SPAST: variants seen among roughly 807,000 people sequenced by gnomAD.
SPAST encodes the protein spastic paraplegia 4 (autosomal dominant; spastin).
A neutral mutation model predicts 76.6 loss-of-function variants in SPAST; 30 were observed. That is an observed-to-expected ratio of 0.39 (90% CI 0.29 to 0.53). The LOEUF is 0.53. Ranked by LOEUF, SPAST falls within the 20% of genes least tolerant of loss-of-function variation. The pLI, the probability that SPAST is intolerant of heterozygous loss-of-function variation, is 0.68. For missense variants in SPAST, 717 were observed against 770.5 expected (o/e 0.93, Z 0.82); for synonymous variants, 305 against 281.0 (o/e 1.09, Z -0.86).
Position 32,089,591 on chromosome 2 carries a change from G to A in SPAST, c.572G>A (p.Arg191His). 1.9e-6 allele frequency: 3 copies of A among 1,570,496 alleles called. No homozygotes were observed. Among genetic ancestry groups the A allele is most frequent in the Non-Finnish European group, 2.6e-6 (3 of 1,140,572 alleles). ...ACTAATTTGGTTATGGCCAAGGACC[G>A]CTTACAACTTCTAGGTATCAATTAA... ...MMTNLVMAKDRLQLLEKMQPV... is the reference protein window; with the variant it reads ...MMTNLVMAKDHLQLLEKMQPV... Residue 191 changes from arginine (R) to histidine (H), a missense_variant, in exon 3 of 17, where the codon CGC becomes CAC. Coordinates refer to ENST00000315285, the MANE Select transcript of SPAST (RefSeq NM_014946.4).
At chr2:32,075,451 A>C (rs911418274) in intron 1 of SPAST, among the ~76,000 whole-genome samples, 1 of 147,526 alleles carries the variant, frequency 6.8e-6, no homozygotes, top group African/African-American at 2.5e-5. Flanking sequence ...AAAAAATTAA[A>C]ACAAAAATAT....
At chr2:32,133,416 C>T (rs1051991264) in intron 9 of SPAST, among the ~76,000 whole-genome samples, 9 of 152,154 alleles carry the variant, frequency 5.9e-5, no homozygotes, top group Admixed American at 2.0e-4. Context: ...TCCACTCACT[C>T]CTCTCCCTCA....
At chr2:32,101,691 T>A (rs535115216) in intron 4 of SPAST, among the ~76,000 whole-genome samples, 36 of 152,322 alleles carry the variant, frequency 2.4e-4, no homozygotes, top group African/African-American at 7.7e-4. Flanking sequence ...CTTTGTACGT[T>A]TGGCTAGCCA....
intron 16 of SPAST, among the ~76,000 whole-genome samples, chr2:32,150,685 C>A (rs1390348481): frequency 6.6e-6 from 1 of 152,002 alleles, no homozygotes; most frequent in Non-Finnish European, 1.5e-5. Context: ...CTCCCACTTG[C>A]ACCTCCCAAA....
At position 32,144,618 on chromosome 2, in the gene SPAST, G is replaced by T. The variant is rs541252529; in HGVS notation, c.1617-319G>T. 1.9e-3 allele frequency among the ~76,000 whole-genome samples: 287 copies of T among 152,300 alleles called. 1 individual carries two copies. Among genetic ancestry groups the T allele is most frequent in the Non-Finnish European group, 3.3e-3 (224 of 68,032 alleles). On this transcript the variant is annotated intron_variant, in intron 14 of 16. Coordinates refer to ENST00000315285, the MANE Select transcript of SPAST (RefSeq NM_014946.4). ...TTTGCTGTTTCAGCTGGGTGCGGTG[G>T]CTCATGCCTGTAATCTCACTACTTT...
chr2:32,152,438 C>T (rs943924927), intron 16 of SPAST, among the ~76,000 whole-genome samples: 24 of 151,704 alleles, frequency 1.6e-4, no homozygotes, highest in South Asian at 4.2e-4. Flanking sequence ...GGCGTGGTGG[C>T]GCACACCTAT....
In SPAST at chr2:32,157,547, T is replaced by C. The variant is rs932937916; in HGVS notation, c.*3051T>C. The C allele has an allele frequency of 2.6e-5, 4 of 152,650 alleles. No individual in the cohort carries two copies. Among genetic ancestry groups the C allele is most frequent in the Non-Finnish European group, 5.9e-5 (4 of 68,036 alleles). The allele number at this position is 152,650 out of a possible 1,614,324, so 9.5% of individuals were successfully genotyped here. On this transcript the variant is annotated 3_prime_UTR_variant, in exon 17 of 17. Coordinates refer to ENST00000315285, the MANE Select transcript of SPAST (RefSeq NM_014946.4). ...TTGTCTCAATTTTAGTCTGGTCTTT[T>C]GTACTTTTCTTCAGAAGAAATGAAT...
intron 2 of SPAST, among the ~76,000 whole-genome samples, chr2:32,088,721 T>A (rs1197616092): frequency 2.0e-5 from 3 of 152,172 alleles, no homozygotes; most frequent in African/African-American, 7.2e-5. Flanking sequence ...TAAAAAACAA[T>A]TTAATTAAAG....
chr2:32,076,299 TC>T (rs1211050867), intron 1 of SPAST, among the ~76,000 whole-genome samples: 1 of 152,186 alleles, frequency 6.6e-6, no homozygotes, highest in Non-Finnish European at 1.5e-5. Context: ...TTTAAAACTT[TC>T]CAAATTAACA....
At chr2:32,150,343 G>A (rs1285819757) in intron 16 of SPAST, among the ~76,000 whole-genome samples, 1 of 148,798 alleles carries the variant, frequency 6.7e-6, no homozygotes, top group Non-Finnish European at 1.5e-5. Flanking sequence ...GCCCACCTTG[G>A]CCTCCCAAAG....
chr2:32,069,307 T>C (rs551426554), intron 1 of SPAST, among the ~76,000 whole-genome samples: 2 of 152,196 alleles, frequency 1.3e-5, no homozygotes, highest in South Asian at 2.1e-4. Context: ...TTTTGTACTT[T>C]AGTCTTAATC....
At position 32,064,243 on chromosome 2, in the gene SPAST, A is replaced by G. The variant is rs1313534781; in HGVS notation, c.412A>G (p.Lys138Glu). ...SIALRIDEDE[K>E]AGQKEQAVEW... ...TGCCCTGCGCATCGATGAGGATGAG[A>G]AAGGTAACTAGGGGGCTGGGGGAGG... Residue 138 changes from lysine (K) to glutamate (E), a missense_variant, in exon 1 of 17, where the codon AAA (lysine) becomes GAA (glutamate). Lys to Glu is a moderately conservative substitution (Grantham distance 56). This residue lies in a region of SPAST where 543 missense variants were observed against 445.2 expected (regional missense o/e 1.22). Coordinates refer to ENST00000315285, the MANE Select transcript of SPAST (RefSeq NM_014946.4). 1.3e-6 allele frequency: 2 copies of G among 1,535,860 alleles called. No individual in the cohort carries two copies. Among genetic ancestry groups the G allele is most frequent in the Non-Finnish European group, 1.8e-6 (2 of 1,139,250 alleles).
intron 4 of SPAST, among the ~76,000 whole-genome samples, chr2:32,101,934 C>T (rs1332062584): frequency 6.6e-6 from 1 of 152,116 alleles, no homozygotes; most frequent in Non-Finnish European, 1.5e-5. Flanking sequence ...GTTCTTTTGG[C>T]TTAGGATTGT....
chr2:32,080,783 C>CTTTTTTT lies in SPAST; in HGVS notation c.416-6686_416-6680dup, dbSNP rs1162817708. Among the ~76,000 whole-genome samples, 86 of 48,458 alleles carry CTTTTTTT rather than the reference C, an allele frequency of 1.8e-3. 14 individuals carry two copies. Among genetic ancestry groups the CTTTTTTT allele is most frequent in the East Asian group, 4.5e-3 (6 of 1,344 alleles). 31.8% of individuals were successfully genotyped at this position (48,458 alleles called of 152,430 possible). On this transcript the variant is annotated intron_variant, in intron 1 of 16. Transcript: ENST00000315285. ...AGTTCTTGTATGGTCTGGCTCAGTT[C>CTTTTTTT]TTTTTTTTTTTTTTTTTTTTTTTTT...
At position 32,069,840 on chromosome 2, in the gene SPAST, T is replaced by C. The variant is rs188732681; in HGVS notation, c.415+5594T>C. ...TCCCAAAGTGTTGGGATTACAGGTG[T>C]GAGCCACTGCGCCTGGCCTACTTAT... On this transcript the variant is annotated intron_variant, in intron 1 of 16. Transcript: ENST00000315285. 9.7e-3 allele frequency among the ~76,000 whole-genome samples: 1,482 copies of C among 152,176 alleles called. 22 individuals are homozygous for C. The highest frequency in any genetic ancestry group is 0.037 in the Middle Eastern group (11 of 294).
rs397984237 is a variant in SPAST, at chr2:32,146,851, CAAAAAAAAAAAAA to C, written c.1688-350_1688-338del. The stretch of plus-strand genomic sequence containing the variant: ...TGGGCAACAGAGCAAGACTCTGTCT[CAAAAAAAAAAAAA>C]AAAAAAAAAAAAAAAAGTAAATACA... On this transcript the variant is annotated intron_variant, in intron 15 of 16. Transcript: ENST00000315285. 4.5e-3 allele frequency among the ~76,000 whole-genome samples: 86 copies of C among 19,238 alleles called. 3 individuals are homozygous for C. The East Asian group carries it at 0.13, about 28-fold the overall frequency. The allele number at this position is 19,238 out of a possible 152,430, so 12.6% of individuals were successfully genotyped here.
chr2:32,113,992 G>A (rs545645925), intron 4 of SPAST, among the ~76,000 whole-genome samples: 1 of 151,518 alleles, frequency 6.6e-6, no homozygotes, highest in Non-Finnish European at 1.5e-5. Context: ...TCGCCAGGCT[G>A]GAGTGCAGTG....
At chr2:32,105,510 G>A (rs556276871) in intron 4 of SPAST, among the ~76,000 whole-genome samples, 2 of 152,306 alleles carry the variant, frequency 1.3e-5, no homozygotes, top group East Asian at 1.9e-4. Flanking sequence ...GTGAGGAGCT[G>A]TGTTCCTTTG....
At chr2:32,103,313 T>A (rs2148721219) in intron 4 of SPAST, among the ~76,000 whole-genome samples, 1 of 152,298 alleles carries the variant, frequency 6.6e-6, no homozygotes, top group Non-Finnish European at 1.5e-5. Flanking sequence ...GGTGGTGATA[T>A]CCCCTTTATC....
Sources: allele counts gnomAD v4.1 joint callset (sites outside exome capture counted in the v4.1 genomes callset), GRCh38; gene constraint gnomAD v4.1.1; regional missense constraint gnomAD v4.1.1; transcripts MANE v1.5; gene names NCBI Gene and HGNC (gene_info 2026-07-23, HGNC 2026-07-21).